The following SRP19 variants were observed in gnomAD, a reference collection of about 807,000 sequenced individuals.
SRP19 encodes signal recognition particle 19 kDa protein.
A neutral mutation model predicts 22.4 loss-of-function variants in SRP19; 11 were observed. The ratio of observed to expected loss-of-function variants is 0.49; its 90% CI spans 0.31 to 0.81. SRP19 has a LOEUF of 0.81. Among genes scored for constraint, SRP19 ranks in the 40% least tolerant of loss-of-function variants. The pLI is 0.05. For missense variants in SRP19, 168 were observed against 175.9 expected, an observed-to-expected ratio of 0.96 and a Z score of 0.25; for synonymous variants, 61 against 57.6, an observed-to-expected ratio of 1.06 and a Z score of -0.27.
intron 4 of SRP19, chr5:112,877,796 G>A (rs185492139): frequency 6.6e-6 from 1 of 152,280 alleles, no homozygotes; most frequent in East Asian, 1.9e-4. Flanking sequence ...ATCTTCAGAA[G>A]TTCCTTAAAC....
At chr5:112,867,216 T>A (rs980908619) in intron 4 of SRP19, among the ~76,000 whole-genome samples, 188 bp from the exon 5 acceptor site, 2 of 152,242 alleles carry the variant, frequency 1.3e-5, no homozygotes, top group Admixed American at 6.5e-5. Flanking sequence ...AGCATTATTC[T>A]CACTCTCAGT....
Position 112,869,237 on chromosome 5 carries a change from G to A in SRP19, c.*1700G>A, listed in dbSNP as rs1273726095. On this transcript the variant is annotated 3_prime_UTR_variant, in exon 5 of 5. Coordinates refer to ENST00000505459, the MANE Select transcript of SRP19 (RefSeq NM_003135.3). ...CATGACATATTTCTAACACCTTTAT[G>A]ATTATTGTTCCTGCTTGTAAAAGGG... The A allele has an allele frequency of 6.6e-6, 1 of 152,142 alleles. No homozygotes were observed. The highest frequency in any genetic ancestry group is 1.5e-5 in the Non-Finnish European group (1 of 68,028). The allele number at this position is 152,142 out of a possible 1,614,324, so 9.4% of individuals were successfully genotyped here.
chr5:112,865,944 C>T (rs1767589748), intron 4 of SRP19, among the ~76,000 whole-genome samples: 1 of 152,098 alleles, frequency 6.6e-6, no homozygotes, highest in Admixed American at 6.6e-5. Context: ...CCAGGCTAGT[C>T]TCAAACTCAA....
At chr5:112,887,317 C>G in intron 4 of SRP19, 1 of 821,756 alleles carries the variant, frequency 1.2e-6, no homozygotes, top group Non-Finnish European at 1.7e-6. Context: ...CCAGTGTTTT[C>G]TGCAGGTTAA....
At position 112,892,610 on chromosome 5, in the gene SRP19, A is replaced by G. The variant is rs574112568; in HGVS notation, c.*1003A>G. 3.2e-4 allele frequency: 524 copies of G among 1,614,204 alleles called. 4 individuals carry two copies. The South Asian group carries it at 5.5e-3, about 17-fold the overall frequency. On this transcript the variant is annotated 3_prime_UTR_variant, in exon 5 of 5. Transcript: ENST00000391338. The stretch of plus-strand genomic sequence containing the variant: ...ATTTGTGGTTTATTTGAAATACAAC[A>G]ATGTCCAAGAGGAAAACACTGCAAC...
At chr5:112,879,321 T>G in intron 4 of SRP19, among the ~76,000 whole-genome samples, 2 of 9,748 alleles carry the variant, frequency 2.1e-4, no homozygotes, top group Non-Finnish European at 6.1e-4. Context: ...TTGATATATG[T>G]GTTTGGGGGG....
intron 4 of SRP19, among the ~76,000 whole-genome samples, chr5:112,876,026 T>TC (rs1767885862): frequency 8.4e-6 from 1 of 119,526 alleles, no homozygotes; most frequent in Admixed American, 9.6e-5. Context: ...AGAGCAAGAC[T>TC]CCATCTCAAA....
intron 4 of SRP19, chr5:112,878,660 A>ATCTT (rs1173519952): frequency 1.5e-6 from 2 of 1,352,124 alleles, no homozygotes; most frequent in African/African-American, 1.5e-5. Flanking sequence ...ACACATTCCA[A>ATCTT]TCTTTAATAT....
downstream of SRP19, chr5:112,896,638 T>C (rs544789473): frequency 6.6e-6 from 1 of 152,206 alleles, no homozygotes; most frequent in East Asian, 1.9e-4. Context: ...CTCAACCTTG[T>C]TCTAAAAATA....
intron 4 of SRP19, among the ~76,000 whole-genome samples, chr5:112,879,034 C>T (rs1372654902): frequency 6.6e-6 from 1 of 151,940 alleles, no homozygotes; most frequent in African/African-American, 2.4e-5. Flanking sequence ...GAGCACAAAT[C>T]CTAAATACTT....
At chr5:112,890,637 T>C (rs1768409918) in intron 4 of SRP19, among the ~76,000 whole-genome samples, 1 of 150,096 alleles carries the variant, frequency 6.7e-6, no homozygotes, top group Non-Finnish European at 1.5e-5. Context: ...CTCAGCCTCC[T>C]AAAGTGCTGG....
intron 4 of SRP19, among the ~76,000 whole-genome samples, chr5:112,881,452 T>C (rs1768072001): frequency 6.6e-6 from 1 of 152,180 alleles, no homozygotes; most frequent in African/African-American, 2.4e-5. Context: ...TCAAGACCCA[T>C]CACTGGCAAA....
At chr5:112,872,364 TG>T (rs1767778985), downstream of SRP19, among the ~76,000 whole-genome samples, 1 of 150,852 alleles carries the variant, frequency 6.6e-6, no homozygotes, top group Non-Finnish European at 1.5e-5. Flanking sequence ...GTCTTATTCT[TG>T]TTGCCCAGGC....
At chr5:112,872,795 TA>T, downstream of SRP19, among the ~76,000 whole-genome samples, 1 of 152,338 alleles carries the variant, frequency 6.6e-6, no homozygotes, top group South Asian at 2.1e-4. Flanking sequence ...TCCTCTTTTT[TA>T]TGTTACTGCT....
In SRP19 at chr5:112,867,554, A is replaced by C; in HGVS notation, c.*17A>C. The C allele has an allele frequency of 6.3e-7, 1 of 1,597,844 alleles. No homozygotes were observed. Reference sequence around the variant, plus strand: ...AAGAAGTAACCTAGTATCAGCATCAAGTATGTGGTACTACTGTAAGAGACA... The same window carrying C: ...AAGAAGTAACCTAGTATCAGCATCACGTATGTGGTACTACTGTAAGAGACA... On this transcript the variant is annotated 3_prime_UTR_variant, in exon 5 of 5. Transcript: ENST00000505459.
downstream of SRP19, chr5:112,897,351 T>TCACACACGCACA (rs1554093939): frequency 1.7e-4 from 17 of 97,820 alleles, no homozygotes; most frequent in East Asian, 3.8e-3. Context: ...ACACATCCCA[T>TCACACACGCACA]CACACACACA....
downstream of SRP19, among the ~76,000 whole-genome samples, chr5:112,870,341 G>C (rs530376727): frequency 8.5e-5 from 13 of 152,230 alleles, no homozygotes; most frequent in African/African-American, 3.1e-4. Context: ...AATTAGCTGG[G>C]CATGGTGGCA....
intron 4 of SRP19, among the ~76,000 whole-genome samples, chr5:112,881,148 AAAAG>A: frequency 6.6e-6 from 1 of 151,402 alleles, no homozygotes; most frequent in Non-Finnish European, 1.5e-5. Context: ...AAAAAAAAAA[AAAAG>A]CTGGCAATCC....
At chr5:112,862,456 C>T in intron 1 of SRP19, 52 bp from the exon 2 acceptor site, 2 of 1,550,230 alleles carry the variant, frequency 1.3e-6, no homozygotes, top group Non-Finnish European at 1.8e-6. Context: ...CGACCCTTTT[C>T]TCCTGCCTCT....
Sources: allele counts gnomAD v4.1 joint callset (sites outside exome capture counted in the v4.1 genomes callset), GRCh38; gene constraint gnomAD v4.1.1; transcripts MANE v1.5; gene names NCBI Gene and HGNC (gene_info 2026-07-23, HGNC 2026-07-21).